ACSS3: variants seen among roughly 807,000 people sequenced by gnomAD.
ACSS3 encodes acyl-CoA synthetase short chain family member 3.
In ACSS3, 64 loss-of-function variants were observed where a neutral mutation model predicts 84.2. The observed-to-expected ratio is 0.76, with a 90% confidence interval of 0.62 to 0.94. ACSS3 has a LOEUF of 0.94. Among genes scored for constraint, ACSS3 ranks in the 40% least tolerant of loss-of-function variants. ACSS3 has a pLI of 0.00. For synonymous variants in ACSS3, 317 were observed against 310.1 expected (o/e 1.02, Z -0.23); for missense variants, 815 against 867.6 (o/e 0.94, Z 0.76).
At chr12:81,101,106 A>G (rs1464643502) in intron 1 of ACSS3, among the ~76,000 whole-genome samples, 4 of 152,192 alleles carry the variant, frequency 2.6e-5, no homozygotes, top group African/African-American at 9.6e-5. Flanking sequence ...AGGCAGAAGC[A>G]AAATTTTTAT....
At chr12:81,116,627 G>A (rs1007315994) in intron 2 of ACSS3, among the ~76,000 whole-genome samples, 4 of 151,934 alleles carry the variant, frequency 2.6e-5, no homozygotes, top group African/African-American at 7.3e-5. Flanking sequence ...AGTTATTAGG[G>A]TACCTACATG....
chr12:81,104,080 T>TA (rs1429738392), intron 1 of ACSS3, among the ~76,000 whole-genome samples: 1 of 152,042 alleles, frequency 6.6e-6, no homozygotes, highest in East Asian at 1.9e-4. Context: ...CCAAATACAA[T>TA]AAAAAACCTA....
intron 13 of ACSS3, among the ~76,000 whole-genome samples, chr12:81,247,265 CTCAG>C (rs1242259606): frequency 6.6e-6 from 1 of 152,040 alleles, no homozygotes; most frequent in Non-Finnish European, 1.5e-5. Flanking sequence ...TTCCGGCAGA[CTCAG>C]TCAATCAAAA....
At chr12:81,086,493 C>T (rs1881322384) in intron 1 of ACSS3, among the ~76,000 whole-genome samples, 1 of 152,120 alleles carries the variant, frequency 6.6e-6, no homozygotes, top group South Asian at 2.1e-4. Context: ...GAGTGAACTA[C>T]AGGAATGCTG....
At chr12:81,161,774 C>A (rs767107279) in intron 7 of ACSS3, among the ~76,000 whole-genome samples, 1 of 152,260 alleles carries the variant, frequency 6.6e-6, no homozygotes, top group South Asian at 2.1e-4. Context: ...CTGCCAAGGG[C>A]AAGCCAGGAC....
chr12:81,082,507 A>G (rs373584659), intron 1 of ACSS3, among the ~76,000 whole-genome samples: 9 of 152,192 alleles, frequency 5.9e-5, no homozygotes, highest in African/African-American at 2.2e-4. Flanking sequence ...ATTCCAGGGA[A>G]AGAAAATAGC....
chr12:81,191,384 T>C (rs536770298), intron 8 of ACSS3, among the ~76,000 whole-genome samples: 1 of 152,220 alleles, frequency 6.6e-6, no homozygotes, highest in Non-Finnish European at 1.5e-5. Flanking sequence ...TTAGTCAAGA[T>C]TGATCTCTAA....
At chr12:81,222,796 A>C (rs1198408201) in intron 11 of ACSS3, among the ~76,000 whole-genome samples, 3 of 152,050 alleles carry the variant, frequency 2.0e-5, no homozygotes, top group African/African-American at 7.2e-5. Flanking sequence ...AGGTCTTAAG[A>C]TATAATAAAA....
At chr12:81,125,324 T>A (rs1885007490) in intron 2 of ACSS3, among the ~76,000 whole-genome samples, 1 of 152,216 alleles carries the variant, frequency 6.6e-6, no homozygotes. Flanking sequence ...CCTTTTAAAT[T>A]TCCTTACCAC....
chr12:81,213,302 G>A (rs2032666167), intron 9 of ACSS3, among the ~76,000 whole-genome samples: 2 of 152,084 alleles, frequency 1.3e-5, no homozygotes, highest in Admixed American at 6.5e-5. Flanking sequence ...CAGTTTGAGA[G>A]CAAGAGTGTT....
chr12:81,207,184 A>G (rs995504220), intron 9 of ACSS3, among the ~76,000 whole-genome samples: 1 of 152,182 alleles, frequency 6.6e-6, no homozygotes, highest in Non-Finnish European at 1.5e-5. Context: ...TCATGTTTTT[A>G]TAGATCTTCA....
At chr12:81,120,357 A>G (rs1279221737) in intron 2 of ACSS3, among the ~76,000 whole-genome samples, 1 of 152,238 alleles carries the variant, frequency 6.6e-6, no homozygotes, top group Non-Finnish European at 1.5e-5. Flanking sequence ...GGAAGTGAGG[A>G]GAGCTGGTCA....
intron 8 of ACSS3, among the ~76,000 whole-genome samples, chr12:81,186,903 C>T (rs1290031128): frequency 6.6e-6 from 1 of 151,812 alleles, no homozygotes. Context: ...AACATATTTG[C>T]ATTCCCATGT....
chr12:81,148,002 A>T (rs1886424589), intron 5 of ACSS3, among the ~76,000 whole-genome samples: 1 of 148,376 alleles, frequency 6.7e-6, no homozygotes, highest in Non-Finnish European at 1.5e-5. Context: ...GACATTTTAC[A>T]TATGTAAATA....
chr12:81,172,233 T>C (rs565816223), intron 7 of ACSS3, among the ~76,000 whole-genome samples: 5 of 117,478 alleles, frequency 4.3e-5, no homozygotes, highest in Non-Finnish European at 8.1e-5. Flanking sequence ...GCCACTGCAC[T>C]CCAGCCTGAG....
chr12:81,133,088 T>C (rs1565996412), intron 2 of ACSS3, among the ~76,000 whole-genome samples: 2 of 149,212 alleles, frequency 1.3e-5, no homozygotes, highest in Non-Finnish European at 3.0e-5. Flanking sequence ...GAGTTTGCAA[T>C]ATAAAGTAGA....
chr12:81,109,820 C>A, intron 2 of ACSS3, 116 bp downstream of exon 2: 1 of 892,106 alleles, frequency 1.1e-6, no homozygotes, highest in Non-Finnish European at 1.6e-6. Flanking sequence ...TGTTGCCATG[C>A]TTTTCTTTTG....
intron 1 of ACSS3, among the ~76,000 whole-genome samples, chr12:81,085,278 C>G (rs912982183): frequency 2.6e-5 from 4 of 152,136 alleles, no homozygotes; most frequent in African/African-American, 9.7e-5. Context: ...CTCAGTAGAT[C>G]TGTTTGTTCT....
At chr12:81,119,876 A>G in intron 2 of ACSS3, among the ~76,000 whole-genome samples, 1 of 152,232 alleles carries the variant, frequency 6.6e-6, no homozygotes, top group African/African-American at 2.4e-5. Flanking sequence ...TATGAAGATA[A>G]CAATATTAAG....
Sources: allele counts gnomAD v4.1 joint callset (sites outside exome capture counted in the v4.1 genomes callset), GRCh38; gene constraint gnomAD v4.1.1; transcripts MANE v1.5; gene names NCBI Gene and HGNC (gene_info 2026-07-23, HGNC 2026-07-21).